Variants in CLASP1 observed in about 807,000 individuals in gnomAD.
CLASP1 encodes CLIP-associating protein 1.
CLASP1 carries 38 observed loss-of-function variants against 192.3 expected under a neutral mutation model. The observed-to-expected ratio is 0.20, with a 90% confidence interval of 0.15 to 0.26. The LOEUF is 0.26. Ranked by LOEUF, CLASP1 falls within the 10% of genes least tolerant of loss-of-function variation. The pLI is 1.00. For missense variants in CLASP1, 1,433 were observed against 1,932.5 expected (o/e 0.74, Z 4.85); for synonymous variants, 691 against 712.8 (o/e 0.97, Z 0.49).
chr2:121,510,160 C>A (rs1450089320), intron 7 of CLASP1, among the ~76,000 whole-genome samples: 1 of 152,066 alleles, frequency 6.6e-6, no homozygotes, highest in Non-Finnish European at 1.5e-5. Context: ...TCTTAAAAAA[C>A]TGGAAAAAGA....
chr2:121,407,123 G>C (rs2149490412), intron 25 of CLASP1, among the ~76,000 whole-genome samples: 1 of 151,556 alleles, frequency 6.6e-6, no homozygotes, highest in East Asian at 2.0e-4. Flanking sequence ...GGCTGAGGGA[G>C]AAGAATCGCT....
intron 1 of CLASP1, among the ~76,000 whole-genome samples, chr2:121,644,792 A>G (rs1384967508): frequency 1.3e-5 from 2 of 152,054 alleles, no homozygotes; most frequent in East Asian, 3.9e-4. Flanking sequence ...AACACTTCTA[A>G]AACAAAATTT....
At chr2:121,346,547 G>A (rs947328308) in intron 39 of CLASP1, among the ~76,000 whole-genome samples, 6 of 152,230 alleles carry the variant, frequency 3.9e-5, no homozygotes, top group Admixed American at 1.3e-4. Flanking sequence ...TGTGCCGTGG[G>A]GCACGTTAAG....
intron 34 of CLASP1, among the ~76,000 whole-genome samples, chr2:121,375,614 G>A (rs748607644): frequency 1.1e-4 from 17 of 152,070 alleles, no homozygotes; most frequent in South Asian, 2.1e-4. Flanking sequence ...CACCCGCCTC[G>A]GCCTCCCAAA....
At chr2:121,456,059 T>G (rs2086591290) in intron 14 of CLASP1, among the ~76,000 whole-genome samples, 1 of 151,846 alleles carries the variant, frequency 6.6e-6, no homozygotes, top group African/African-American at 2.4e-5. Flanking sequence ...TTGCTGAGAG[T>G]AGATTTCAAG....
chr2:121,437,087 C>G (rs1433557731), intron 19 of CLASP1, among the ~76,000 whole-genome samples: 1 of 152,100 alleles, frequency 6.6e-6, no homozygotes, highest in Non-Finnish European at 1.5e-5. Flanking sequence ...CCCAGCCTCA[C>G]AAGTATCTGG....
intron 10 of CLASP1, among the ~76,000 whole-genome samples, chr2:121,461,406 C>A (rs145659910): frequency 2.0e-5 from 3 of 152,212 alleles, no homozygotes; most frequent in Admixed American, 2.0e-4. Context: ...ATGTGAATAA[C>A]CCTGCCTCAA....
At chr2:121,464,964 C>T (rs924688100) in intron 9 of CLASP1, among the ~76,000 whole-genome samples, 1 of 152,026 alleles carries the variant, frequency 6.6e-6, no homozygotes, top group South Asian at 2.1e-4. Flanking sequence ...CTTCCAAATT[C>T]GACAACCCTT....
chr2:121,381,371 G>T (rs1205140467), intron 33 of CLASP1, among the ~76,000 whole-genome samples: 2 of 151,274 alleles, frequency 1.3e-5, no homozygotes, highest in African/African-American at 4.9e-5. Context: ...ATCTCACAAA[G>T]AACAGTGACA....
intron 2 of CLASP1, chr2:121,530,831 CT>C: frequency 1.5e-6 from 1 of 661,320 alleles, no homozygotes; most frequent in South Asian, 1.6e-5. Context: ...TACCACAACC[CT>C]ACCAGGTATT....
intron 8 of CLASP1, among the ~76,000 whole-genome samples, chr2:121,482,284 GC>G (rs1434902067): frequency 6.6e-6 from 1 of 152,064 alleles, no homozygotes; most frequent in Non-Finnish European, 1.5e-5. Flanking sequence ...AGGCCCAGGT[GC>G]CCCACTACTC....
intron 35 of CLASP1, among the ~76,000 whole-genome samples, chr2:121,366,284 C>G (rs1416356435): frequency 4.6e-5 from 7 of 152,200 alleles, no homozygotes; most frequent in African/African-American, 1.7e-4. Context: ...CCAGGAAGTG[C>G]CAGTCCTTAC....
exon 40 of CLASP1, chr2:121,338,233 T>C (rs968233429): frequency 6.6e-6 from 1 of 152,140 alleles, no homozygotes; most frequent in African/African-American, 2.4e-5. Context: ...GGTGGTAAGC[T>C]AGTGAGGCGC....
At chr2:121,530,473 C>T in intron 2 of CLASP1, 148 bp from the exon 3 acceptor site, 1 of 610,860 alleles carries the variant, frequency 1.6e-6, no homozygotes. Context: ...AAGAGATTAG[C>T]ACGAAGAAGG....
At chr2:121,373,681 G>A (rs1174160691) in intron 34 of CLASP1, among the ~76,000 whole-genome samples, 7 of 152,230 alleles carry the variant, frequency 4.6e-5, no homozygotes, top group Admixed American at 4.6e-4. Flanking sequence ...CTCTTGATGT[G>A]CTTTAGCAAA....
Position 121,366,632 on chromosome 2 carries a change from G to A in CLASP1, c.3886+956C>T, listed in dbSNP as rs761455072. The stretch of plus-strand genomic sequence containing the variant: ...CCAGGCACTGTGTCTCATGTGCCTC[G>A]GTCCCTGGCAACCCATACACTTCAT... On this transcript the variant is annotated intron_variant, in intron 35 of 39. Transcript: ENST00000263710. 1.8e-4 allele frequency among the ~76,000 whole-genome samples: 27 copies of A among 152,260 alleles called. No individual in the cohort carries two copies. The South Asian group carries it at 1.9e-3, about 11-fold the overall frequency.
chr2:121,507,592 GAAA>G (rs1465046747), intron 7 of CLASP1, among the ~76,000 whole-genome samples: 2 of 152,056 alleles, frequency 1.3e-5, no homozygotes, highest in Non-Finnish European at 2.9e-5. Context: ...CTACCACGTT[GAAA>G]AATTATCAAA....
chr2:121,457,628 G>T, intron 14 of CLASP1, 59 bp downstream of exon 14: 1 of 1,309,660 alleles, frequency 7.6e-7, no homozygotes, highest in Non-Finnish European at 1.1e-6. Flanking sequence ...AAGGAGATTT[G>T]GAATTTGTTT....
At chr2:121,431,152 A>G (rs1490727753) in intron 19 of CLASP1, among the ~76,000 whole-genome samples, 3 of 152,224 alleles carry the variant, frequency 2.0e-5, no homozygotes, top group Non-Finnish European at 4.4e-5. Flanking sequence ...TAATGCAGGA[A>G]GCAAATCCTA....
Sources: allele counts gnomAD v4.1 joint callset (sites outside exome capture counted in the v4.1 genomes callset), GRCh38; gene constraint gnomAD v4.1.1; transcripts MANE v1.5; gene names NCBI Gene and HGNC (gene_info 2026-07-23, HGNC 2026-07-21).